SNX29: variants seen among roughly 807,000 people sequenced by gnomAD.
The protein encoded by SNX29 is sorting nexin 29, also known as sorting nexin-29.
A neutral mutation model predicts 102.1 loss-of-function variants in SNX29; 78 were observed. The observed-to-expected ratio is 0.76, with a 90% CI of 0.64 to 0.92. SNX29 has a LOEUF of 0.92. Among genes scored for constraint, SNX29 ranks in the 40% least tolerant of loss-of-function variants. SNX29 has a pLI of 0.00. For synonymous variants in SNX29, 580 were observed against 414.5 expected, an observed-to-expected ratio of 1.40 and a Z score of -4.85; for missense variants, 1,280 against 1,061.7, an observed-to-expected ratio of 1.21 and a Z score of -2.86.
At chr16:12,036,670 A>G (rs1280356877) in intron 4 of SNX29, among the ~76,000 whole-genome samples, 1 of 151,638 alleles carries the variant, frequency 6.6e-6, no homozygotes, top group Non-Finnish European at 1.5e-5. Context: ...GTTGTTGTTG[A>G]GCAATGCTTT....
chr16:12,545,156 A>C (rs530415756), intron 20 of SNX29, among the ~76,000 whole-genome samples: 1 of 152,098 alleles, frequency 6.6e-6, no homozygotes, highest in South Asian at 2.1e-4. Flanking sequence ...AAGTACAGAC[A>C]CTCTGCCAGC....
chr16:12,570,169 CCA>C lies in SNX29; in HGVS notation c.*1541_*1542del, dbSNP rs928323041. On this transcript the variant is annotated 3_prime_UTR_variant, in exon 21 of 21. Coordinates refer to ENST00000566228, the MANE Select transcript of SNX29 (RefSeq NM_032167.5). ...CACTCACACACAGCGCCCCCCCACC[CCA>C]GAGAAACCGAGTCAGCCTACATGAC... 11 of 1,065,282 alleles carry C rather than the reference CCA, an allele frequency of 1.0e-5. No individual in the cohort carries two copies. Among genetic ancestry groups the C allele is most frequent in the East Asian group, 5.0e-5 (1 of 20,058 alleles). 66.0% of individuals were successfully genotyped at this position (1,065,282 alleles called of 1,614,324 possible).
intron 19 of SNX29, among the ~76,000 whole-genome samples, chr16:12,482,907 A>G (rs2088014892): frequency 6.6e-6 from 1 of 152,126 alleles, no homozygotes; most frequent in Admixed American, 6.6e-5. Flanking sequence ...TTACCAAAGA[A>G]TCTGTTGCTT....
intron 14 of SNX29, among the ~76,000 whole-genome samples, chr16:12,254,861 G>C (rs1246908587): frequency 6.6e-6 from 1 of 152,312 alleles, no homozygotes; most frequent in East Asian, 1.9e-4. Flanking sequence ...AGGGGTGAGA[G>C]CCTGAGTTGC....
intron 14 of SNX29, among the ~76,000 whole-genome samples, chr16:12,263,143 T>G (rs1348584532): frequency 2.0e-5 from 3 of 151,732 alleles, no homozygotes; most frequent in African/African-American, 7.3e-5. Flanking sequence ...TTTTTTTTTT[T>G]TTTTTTGAGA....
At chr16:12,561,801 G>A (rs891151609) in intron 20 of SNX29, among the ~76,000 whole-genome samples, 2 of 152,138 alleles carry the variant, frequency 1.3e-5, no homozygotes, top group Non-Finnish European at 2.9e-5. Flanking sequence ...GCCTGGCAGG[G>A]GGCTCATTAC....
intron 13 of SNX29, among the ~76,000 whole-genome samples, chr16:12,131,984 T>G (rs1406927370): frequency 6.6e-6 from 1 of 152,242 alleles, no homozygotes; most frequent in African/African-American, 2.4e-5. Flanking sequence ...ACCACCCTTT[T>G]GCCTGGCCAT....
At chr16:12,546,425 C>T (rs1007383312) in intron 20 of SNX29, 2 of 152,134 alleles carry the variant, frequency 1.3e-5, no homozygotes, top group African/African-American at 4.8e-5. Flanking sequence ...TGCATGGCAC[C>T]ATCGATGTGA....
chr16:12,505,095 C>G lies in SNX29; in HGVS notation c.2179-19607C>G, dbSNP rs13329927. ...GACCAGCCTGGGCAACATAGTGAGA[C>G]TCTGTCTCTACAAAAAATATAGAGG... is the stretch of plus-strand genomic sequence containing the variant. On this transcript the variant is annotated intron_variant, in intron 19 of 20. Coordinates refer to ENST00000566228, the MANE Select transcript of SNX29 (RefSeq NM_032167.5). Among the ~76,000 whole-genome samples the G allele has an allele frequency of 4.5e-3, 683 of 152,298 alleles. 9 individuals are homozygous for G. Among genetic ancestry groups the G allele is most frequent in the African/African-American group, 0.016 (647 of 41,556 alleles).
At chr16:12,135,672 T>G in intron 13 of SNX29, 1 of 1,247,018 alleles carries the variant, frequency 8.0e-7, no homozygotes, top group South Asian at 1.3e-5. Context: ...ATCCAGTCTT[T>G]CCTGAAGCTG....
rs560587476 is a variant in SNX29, at chr16:12,368,283, A to T, written c.1899+12004A>T. On this transcript the variant is annotated intron_variant, in intron 16 of 20. Transcript: ENST00000566228. ...TCCCTGAAGATCAAAGTTTCGTGTC[A>T]GCTGGCAAATGCAGTGTATGCAAGC... 1.8e-4 allele frequency among the ~76,000 whole-genome samples: 28 copies of T among 152,366 alleles called. 1 individual carries two copies. The highest frequency in any genetic ancestry group is 1.8e-3 in the Admixed American group (27 of 15,308).
chr16:12,197,987 T>G (rs1442190010), intron 13 of SNX29, among the ~76,000 whole-genome samples: 1 of 152,174 alleles, frequency 6.6e-6, no homozygotes, highest in Non-Finnish European at 1.5e-5. Context: ...CTCAAGTTTT[T>G]CAACTAAGTC....
At chr16:12,468,778 G>A (rs992559611) in intron 18 of SNX29, among the ~76,000 whole-genome samples, 1 of 152,196 alleles carries the variant, frequency 6.6e-6, no homozygotes, top group African/African-American at 2.4e-5. Context: ...GGACAGCGGG[G>A]TTTGGGAAAA....
At chr16:12,128,452 CTTT>C (rs35504724) in intron 12 of SNX29, among the ~76,000 whole-genome samples, 4 of 128,304 alleles carry the variant, frequency 3.1e-5, no homozygotes, top group Non-Finnish European at 1.6e-5. Context: ...TGATTATATT[CTTT>C]TTTTTTTTTT....
intron 18 of SNX29, among the ~76,000 whole-genome samples, chr16:12,438,176 A>AT (rs1471900753): frequency 6.6e-6 from 1 of 152,094 alleles, no homozygotes; most frequent in Non-Finnish European, 1.5e-5. Flanking sequence ...GACTATCTTT[A>AT]TTCTGACCTA....
At chr16:12,540,687 TGTA>T (rs910712358) in intron 20 of SNX29, among the ~76,000 whole-genome samples, 33 of 152,316 alleles carry the variant, frequency 2.2e-4, no homozygotes, top group Non-Finnish European at 1.5e-4. Context: ...TCCCTCTTGT[TGTA>T]GAAGCTCACA....
At chr16:12,551,040 T>C (rs892172460) in intron 20 of SNX29, among the ~76,000 whole-genome samples, 1 of 152,176 alleles carries the variant, frequency 6.6e-6, no homozygotes, top group Non-Finnish European at 1.5e-5. Flanking sequence ...AAACAAGGTG[T>C]CATCCAGATG....
intron 13 of SNX29, among the ~76,000 whole-genome samples, chr16:12,130,181 TAA>T (rs1208590608): frequency 1.9e-4 from 25 of 131,986 alleles, no homozygotes; most frequent in Admixed American, 2.3e-4. Context: ...ACTTTTTAGT[TAA>T]AAAAAAAAAA....
At chr16:12,286,363 T>TTTTTA (rs2079596401) in intron 15 of SNX29, among the ~76,000 whole-genome samples, 1 of 147,456 alleles carries the variant, frequency 6.8e-6, no homozygotes, top group African/African-American at 2.6e-5. Context: ...TTTTTTTTTT[T>TTTTTA]GAGATGGAGC....
Sources: allele counts gnomAD v4.1 joint callset (sites outside exome capture counted in the v4.1 genomes callset), GRCh38; gene constraint gnomAD v4.1.1; transcripts MANE v1.5; gene names NCBI Gene and HGNC (gene_info 2026-07-23, HGNC 2026-07-21).